Variants in ACVR1 observed in about 807,000 individuals in gnomAD.
The protein encoded by ACVR1 is activin A receptor type 1, also known as activin receptor type-1.
In ACVR1, 38 loss-of-function variants were observed where a neutral mutation model predicts 57.1. That is an observed-to-expected ratio of 0.67 (90% confidence interval 0.51 to 0.87). ACVR1 has a LOEUF of 0.87. Ranked by LOEUF, ACVR1 falls within the 40% of genes least tolerant of loss-of-function variation. The pLI is 0.00. For missense variants in ACVR1, 463 were observed against 638.2 expected (o/e 0.73, Z 2.96); for synonymous variants, 212 against 228.1 (o/e 0.93, Z 0.63).
chr2:157,796,551 A>G (rs1266908937), intron 3 of ACVR1, among the ~76,000 whole-genome samples: 1 of 151,956 alleles, frequency 6.6e-6, no homozygotes, highest in Non-Finnish European at 1.5e-5. Flanking sequence ...CCCCGTTTCA[A>G]ACAACAACAA....
chr2:157,847,330 C>T (rs938938357), intron 1 of ACVR1, among the ~76,000 whole-genome samples: 31 of 152,100 alleles, frequency 2.0e-4, no homozygotes, highest in Non-Finnish European at 7.4e-5. Flanking sequence ...CAAAAAAACA[C>T]TAGGACATGC....
At chr2:157,772,116 C>T (rs1285011687) in intron 6 of ACVR1, among the ~76,000 whole-genome samples, 2 of 152,126 alleles carry the variant, frequency 1.3e-5, no homozygotes, top group African/African-American at 2.4e-5. Flanking sequence ...AGATGAATGT[C>T]GAGGTAGGTA....
At chr2:157,768,096 T>C (rs372593348) in intron 7 of ACVR1, among the ~76,000 whole-genome samples, 2 of 152,300 alleles carry the variant, frequency 1.3e-5, no homozygotes, top group South Asian at 2.1e-4. Context: ...TTTTCACCTA[T>C]GGGACATATG....
At chr2:157,801,408 T>C (rs1326292211) in intron 2 of ACVR1, among the ~76,000 whole-genome samples, 2 of 152,146 alleles carry the variant, frequency 1.3e-5, no homozygotes, top group East Asian at 1.9e-4. Context: ...AAACTAGAGA[T>C]TGCACATATT....
chr2:157,868,402 G>A (rs1472235222), intron 1 of ACVR1, among the ~76,000 whole-genome samples: 3 of 150,942 alleles, frequency 2.0e-5, no homozygotes, highest in Admixed American at 1.3e-4. Context: ...CAGGAGAATC[G>A]CTTCAACCCA....
At chr2:157,824,544 G>A (rs1356208747) in intron 1 of ACVR1, among the ~76,000 whole-genome samples, 1 of 152,146 alleles carries the variant, frequency 6.6e-6, no homozygotes, top group Non-Finnish European at 1.5e-5. Context: ...AAGAGAACAT[G>A]AAAGACTAAT....
intron 8 of ACVR1, among the ~76,000 whole-genome samples, chr2:157,763,743 G>A (rs554813183): frequency 3.3e-5 from 5 of 152,158 alleles, no homozygotes; most frequent in Admixed American, 3.3e-4. Context: ...CTTTTTGCAG[G>A]ATTAATCATA....
chr2:157,755,939 A>G (rs915058990), intron 9 of ACVR1, among the ~76,000 whole-genome samples: 3 of 152,168 alleles, frequency 2.0e-5, no homozygotes, highest in African/African-American at 7.2e-5. Context: ...AGTCACCAAA[A>G]CAGCATGGTA....
At chr2:157,811,529 T>C (rs1354797367) in intron 2 of ACVR1, among the ~76,000 whole-genome samples, 1 of 152,190 alleles carries the variant, frequency 6.6e-6, no homozygotes, top group Non-Finnish European at 1.5e-5. Context: ...GTTTCAAAAA[T>C]AAGCAACATT....
At position 157,818,801 on chromosome 2, in the gene ACVR1, G is replaced by A. The variant is rs575024481; in HGVS notation, c.-182-242C>T. On this transcript the variant is annotated intron_variant, in intron 1 of 10. Transcript: ENST00000434821. ...AACACAAAAACCAGTAAGATCGGCC[G>A]GGCGCGGTGGCTCACGCCTGTAATC... 2.6e-5 allele frequency among the ~76,000 whole-genome samples: 4 copies of A among 152,256 alleles called. No individual in the cohort carries two copies. The East Asian group carries it at 5.8e-4, about 22-fold the overall frequency.
intron 9 of ACVR1, among the ~76,000 whole-genome samples, chr2:157,750,517 G>A (rs1357362417): frequency 6.6e-6 from 1 of 152,160 alleles, no homozygotes; most frequent in Non-Finnish European, 1.5e-5. Context: ...TACAGCTGAA[G>A]TAATCATATG....
At chr2:157,855,915 C>T (rs1451643495) in intron 1 of ACVR1, among the ~76,000 whole-genome samples, 39 of 152,012 alleles carry the variant, frequency 2.6e-4, no homozygotes, top group Admixed American at 2.6e-3. Context: ...TTAACTCATC[C>T]GCCTAAATCT....
intron 1 of ACVR1, among the ~76,000 whole-genome samples, chr2:157,853,424 C>T (rs116908482): frequency 2.0e-5 from 3 of 152,276 alleles, no homozygotes; most frequent in East Asian, 3.9e-4. Flanking sequence ...AGGAAGGTCC[C>T]GCCTTCATGA....
Position 157,757,013 on chromosome 2 carries a change from A to G in ACVR1, c.1264+3867T>C, listed in dbSNP as rs139002915. Among the ~76,000 whole-genome samples the G allele has an allele frequency of 7.7e-5, 10 of 130,072 alleles. No individual in the cohort carries two copies. In the East Asian group the frequency reaches 2.1e-3, roughly 28 times the overall value. 85.3% of individuals were successfully genotyped at this position (130,072 alleles called of 152,430 possible). A position where few individuals can be genotyped will look rare whatever the true frequency, so the allele number is the denominator to read the frequency against. The stretch of plus-strand genomic sequence containing the variant: ...TGAGATATATATATTTGAGATATAT[A>G]TATATTTGATATATATATATATATA... On this transcript the variant is annotated intron_variant, in intron 9 of 10. Coordinates refer to ENST00000434821, the MANE Select transcript of ACVR1 (RefSeq NM_001111067.4).
At chr2:157,861,754 T>C (rs1331826294) in intron 1 of ACVR1, among the ~76,000 whole-genome samples, 1 of 152,222 alleles carries the variant, frequency 6.6e-6, no homozygotes, top group African/African-American at 2.4e-5. Context: ...TCACGGGCAA[T>C]GCATCATACT....
At chr2:157,761,775 G>A (rs970304979) in intron 8 of ACVR1, among the ~76,000 whole-genome samples, 3 of 152,146 alleles carry the variant, frequency 2.0e-5, no homozygotes, top group African/African-American at 4.8e-5. Context: ...ACTGGCCAGT[G>A]GGGAGACACA....
At chr2:157,869,811 T>C (rs1252550228) in intron 1 of ACVR1, among the ~76,000 whole-genome samples, 2 of 152,160 alleles carry the variant, frequency 1.3e-5, no homozygotes, top group Non-Finnish European at 2.9e-5. Flanking sequence ...GTATGAAAAA[T>C]AGCACTGGGC....
intron 9 of ACVR1, among the ~76,000 whole-genome samples, chr2:157,750,302 A>T (rs1685133495): frequency 6.6e-6 from 1 of 152,214 alleles, no homozygotes; most frequent in Non-Finnish European, 1.5e-5. Context: ...CTGGAGACAC[A>T]AGGATGAGTC....
Position 157,780,475 on chromosome 2 carries a change from C to A in ACVR1, c.193G>T (p.Val65Phe), listed in dbSNP as rs370028017. 6.2e-7 allele frequency: 1 copy of A among 1,614,120 alleles called. No homozygotes were observed. The highest frequency in any genetic ancestry group is 8.5e-7 in the Non-Finnish European group (1 of 1,180,014). Residue 65 changes from valine (V) to phenylalanine (F), a missense_variant, in exon 4 of 11, where the codon GTC (valine) becomes TTC (phenylalanine). Physicochemically the swap from Val to Phe is conservative, Grantham distance 50. Around this residue, in one of 3 missense-constraint regions of ACVR1, gnomAD observed 203 missense variants for 235.5 expected, o/e 0.86. Transcript: ENST00000434821. ...ACCTGGAAGCAGCCTTTCTGGTAGA[C>A]GTGGAAGCCATCGTTGATGCTCAGT... The part of the protein sequence containing the change: ...SSLSINDGFH[V>F]YQKGCFQVYE...
Sources: allele counts gnomAD v4.1 joint callset (sites outside exome capture counted in the v4.1 genomes callset), GRCh38; gene constraint gnomAD v4.1.1; regional missense constraint gnomAD v4.1.1; transcripts MANE v1.5; gene names NCBI Gene and HGNC (gene_info 2026-07-23, HGNC 2026-07-21).